The following AIG1 variants were observed in gnomAD, a reference collection of about 807,000 sequenced individuals.
AIG1 encodes the protein androgen induced 1, also known as androgen-induced gene 1 protein.
AIG1 carries 23 observed loss-of-function variants against 31.4 expected under a neutral mutation model. The ratio of observed to expected loss-of-function variants is 0.73; its 90% CI spans 0.53 to 1.04. AIG1 has a LOEUF of 1.04. Ranked by LOEUF, AIG1 falls within the 50% of genes least tolerant of loss-of-function variation. The pLI is 0.00. For synonymous variants in AIG1, 100 were observed against 110.5 expected, an observed-to-expected ratio of 0.90 and a Z score of 0.60; for missense variants, 274 against 295.0, an observed-to-expected ratio of 0.93 and a Z score of 0.52.
At chr6:143,315,233 C>T (rs1026770670) in intron 4 of AIG1, among the ~76,000 whole-genome samples, 7 of 151,966 alleles carry the variant, frequency 4.6e-5, no homozygotes, top group Non-Finnish European at 8.8e-5. Flanking sequence ...CAAGCACTGC[C>T]GGCAAGTATT....
At chr6:143,198,142 C>T (rs1790406160) in intron 3 of AIG1, among the ~76,000 whole-genome samples, 1 of 152,152 alleles carries the variant, frequency 6.6e-6, no homozygotes, top group Non-Finnish European at 1.5e-5. Context: ...TTCTGTGTAC[C>T]AAGTACTATG....
In AIG1 at chr6:143,239,534, A is replaced by G. The variant is rs180862061; in HGVS notation, c.400-44576A>G. Among the ~76,000 whole-genome samples, 241 of 152,318 alleles carry G rather than the reference A, an allele frequency of 1.6e-3. 1 individual carries two copies. Among genetic ancestry groups the G allele is most frequent in the African/African-American group, 5.5e-3 (229 of 41,556 alleles). ...TGGAACAGCAGCCCCTGAAGAATGT[A>G]GGAAGGACCATGTGTTCTATCTCCC... On this transcript the variant is annotated intron_variant, in intron 3 of 5. Transcript: ENST00000357847.
At chr6:143,260,509 C>G (rs1397660796) in intron 3 of AIG1, among the ~76,000 whole-genome samples, 1 of 152,192 alleles carries the variant, frequency 6.6e-6, no homozygotes, top group East Asian at 1.9e-4. Flanking sequence ...GTTGGGTCCA[C>G]TTAGTTCCAA....
intron 3 of AIG1, among the ~76,000 whole-genome samples, chr6:143,271,746 C>T (rs1796542680): frequency 6.6e-6 from 1 of 152,142 alleles, no homozygotes; most frequent in Admixed American, 6.6e-5. Flanking sequence ...AATTTGGTGG[C>T]TTATTCCCAT....
At chr6:143,201,107 A>G (rs989226680) in intron 3 of AIG1, among the ~76,000 whole-genome samples, 1 of 152,154 alleles carries the variant, frequency 6.6e-6, no homozygotes, top group African/African-American at 2.4e-5. Context: ...GGACAATTCT[A>G]TCAGGAAGCC....
intron 2 of AIG1, 81 bp from the exon 3 acceptor site, chr6:143,165,001 C>T (rs140037174): frequency 0.022 from 24,545 of 1,094,822 alleles, 391 homozygotes; most frequent in Non-Finnish European, 0.026. Flanking sequence ...CTGTTGGATT[C>T]TTTCAACTAT....
At chr6:143,061,169 C>T (rs1311119349) in intron 1 of AIG1, 103 bp downstream of exon 1, 8 of 1,410,666 alleles carry the variant, frequency 5.7e-6, no homozygotes, top group African/African-American at 1.4e-5. Flanking sequence ...CACCTGCGCA[C>T]GTGCGCGCCT....
rs1796304409 is a variant in AIG1, at chr6:143,268,534, G to T, written c.400-15576G>T. 6.7e-6 allele frequency among the ~76,000 whole-genome samples: 1 copy of T among 148,404 alleles called. No individual in the cohort carries two copies. The highest frequency in any genetic ancestry group is 2.6e-5 in the African/African-American group (1 of 37,912). On this transcript the variant is annotated intron_variant, in intron 3 of 5. Transcript: ENST00000357847. This position sits in a 1 kb window ranked among gnomAD's most constrained non-coding sequence, Gnocchi z 5.0. ...TGCATGACCATATATAAAATTACAG[G>T]GGCTGACTATAGCACCAAAATTAGG... is the stretch of plus-strand genomic sequence containing the variant.
At chr6:143,190,797 G>T (rs75675567) in intron 3 of AIG1, among the ~76,000 whole-genome samples, 1 of 152,056 alleles carries the variant, frequency 6.6e-6, no homozygotes, top group Admixed American at 6.5e-5. Context: ...GTTTGAAAGC[G>T]ATATGATCCC....
intron 3 of AIG1, among the ~76,000 whole-genome samples, chr6:143,271,788 T>G (rs1460275702): frequency 6.6e-6 from 1 of 152,242 alleles, no homozygotes; most frequent in Non-Finnish European, 1.5e-5. Context: ...ATAGCTCCCT[T>G]TCTTTACATA....
intron 5 of AIG1, among the ~76,000 whole-genome samples, chr6:143,335,786 C>G (rs1777438570): frequency 6.6e-6 from 1 of 151,854 alleles, no homozygotes; most frequent in Admixed American, 6.6e-5. Context: ...AAAACTCCAT[C>G]TCTACTAAAC....
chr6:143,278,200 G>A (rs957927149), intron 3 of AIG1, among the ~76,000 whole-genome samples: 13 of 152,182 alleles, frequency 8.5e-5, no homozygotes, highest in African/African-American at 2.9e-4. Flanking sequence ...CAGTTTCCTG[G>A]TGAAAGAACA....
intron 3 of AIG1, among the ~76,000 whole-genome samples, chr6:143,236,343 C>T (rs1793802284): frequency 1.3e-5 from 2 of 152,262 alleles, no homozygotes; most frequent in South Asian, 4.1e-4. Context: ...GAGTCTGTGA[C>T]TCACGCCATC....
chr6:143,172,154 T>C (rs1011224884), intron 3 of AIG1, among the ~76,000 whole-genome samples: 1 of 152,174 alleles, frequency 6.6e-6, no homozygotes, highest in Non-Finnish European at 1.5e-5. Flanking sequence ...CTCTGTTGAT[T>C]GTTTCTTTTG....
intron 3 of AIG1, among the ~76,000 whole-genome samples, chr6:143,222,595 C>G (rs1271938812): frequency 6.6e-6 from 1 of 152,102 alleles, no homozygotes; most frequent in Non-Finnish European, 1.5e-5. Context: ...TAGAGGATTG[C>G]TAAAAATTTC....
At chr6:143,124,424 C>G (rs1306658486) in intron 1 of AIG1, among the ~76,000 whole-genome samples, 1 of 152,198 alleles carries the variant, frequency 6.6e-6, no homozygotes, top group African/African-American at 2.4e-5. Context: ...GCCCTCCCAA[C>G]GAGGACACTA....
At position 143,330,945 on chromosome 6, in the gene AIG1, C is replaced by T. The variant is rs561285028; in HGVS notation, c.516-2337C>T. 2.6e-5 allele frequency among the ~76,000 whole-genome samples: 4 copies of T among 152,312 alleles called. No homozygotes were observed. The highest frequency in any genetic ancestry group is 3.9e-4 in the East Asian group (2 of 5,186). ...GGTAGTTCTAACCATTTAATTTCTG[C>T]GGATTCTCACAACTGCTTCAGCTTT... On this transcript the variant is annotated intron_variant, in intron 4 of 5. Coordinates refer to ENST00000357847, the MANE Select transcript of AIG1 (RefSeq NM_016108.4). The surrounding 1 kb of genome is among the most constrained non-coding windows in gnomAD (Gnocchi z 4.4).
chr6:143,311,494 A>G (rs1775270201), intron 4 of AIG1, among the ~76,000 whole-genome samples: 1 of 151,974 alleles, frequency 6.6e-6, no homozygotes, highest in Admixed American at 6.5e-5. Context: ...TAGGCATGCA[A>G]GGATGGTCAA....
intron 1 of AIG1, among the ~76,000 whole-genome samples, chr6:143,083,340 G>T (rs1396812368): frequency 6.6e-6 from 1 of 152,228 alleles, no homozygotes; most frequent in Non-Finnish European, 1.5e-5. Context: ...TGGCCAAACA[G>T]ATAGGGGCTA....
Sources: allele counts gnomAD v4.1 joint callset (sites outside exome capture counted in the v4.1 genomes callset), GRCh38; gene constraint gnomAD v4.1.1; non-coding constraint Gnocchi (gnomAD v3.1); transcripts MANE v1.5; gene names NCBI Gene and HGNC (gene_info 2026-07-23, HGNC 2026-07-21).